Variants in GALNT18 observed in about 807,000 individuals in gnomAD.
The protein encoded by GALNT18 is polypeptide N-acetylgalactosaminyltransferase 18.
Under a neutral mutation model 69.5 loss-of-function variants are expected in GALNT18, and 44 were observed. The ratio of observed to expected loss-of-function variants is 0.63; its 90% CI spans 0.50 to 0.81. GALNT18 has a LOEUF of 0.81. GALNT18 is among the 40% of genes least tolerant of loss of function. The pLI, the probability that GALNT18 is intolerant of heterozygous loss-of-function variation, is 0.00. For synonymous variants in GALNT18, 364 were observed against 318.2 expected (o/e 1.14, Z -1.53); for missense variants, 715 against 810.0 (o/e 0.88, Z 1.42).
intron 9 of GALNT18, among the ~76,000 whole-genome samples, chr11:11,301,748 C>A (rs1017156509): frequency 6.6e-6 from 1 of 152,208 alleles, no homozygotes; most frequent in Non-Finnish European, 1.5e-5. Flanking sequence ...TCAACAAACA[C>A]CCTCTTTGCC....
At chr11:11,293,920 T>G (rs1849351816) in intron 9 of GALNT18, among the ~76,000 whole-genome samples, 1 of 144,752 alleles carries the variant, frequency 6.9e-6, no homozygotes, top group African/African-American at 2.7e-5. Context: ...GGATGGGAGA[T>G]GTATAACAAT....
intron 3 of GALNT18, among the ~76,000 whole-genome samples, chr11:11,388,200 C>T (rs906809005): frequency 2.0e-5 from 3 of 152,156 alleles, no homozygotes; most frequent in East Asian, 1.9e-4. Context: ...TTAAAGTCTA[C>T]TCTTTGGTGT....
At position 11,583,405 on chromosome 11, in the gene GALNT18, T is replaced by C. The variant is rs552873366; in HGVS notation, c.235+37954A>G. 3.9e-5 allele frequency among the ~76,000 whole-genome samples: 6 copies of C among 152,302 alleles called. No homozygotes were observed. In the East Asian group the frequency reaches 1.2e-3, roughly 29 times the overall value. The stretch of plus-strand genomic sequence containing the variant: ...AAGTACATAGGAGGAGCTCAATTCA[T>C]ACATTCTGAATGAATGAAGAAATGT... On this transcript the variant is annotated intron_variant, in intron 1 of 10. Coordinates refer to ENST00000227756, the MANE Select transcript of GALNT18 (RefSeq NM_198516.3). This position sits in a 1 kb window ranked among gnomAD's most constrained non-coding sequence, Gnocchi z 4.7.
At position 11,284,163 on chromosome 11, in the gene GALNT18, G is replaced by A. The variant is rs760607560; in HGVS notation, c.1677+8866C>T. Reference sequence around the variant, plus strand: ...TAGAGAACTGTGCGTAGACTGGGGCGTGTGGAAGCCACAGTCCATGAGTCT... The same window carrying A: ...TAGAGAACTGTGCGTAGACTGGGGCATGTGGAAGCCACAGTCCATGAGTCT... On this transcript the variant is annotated intron_variant, in intron 10 of 10. Coordinates refer to ENST00000227756, the MANE Select transcript of GALNT18 (RefSeq NM_198516.3). Among the ~76,000 whole-genome samples the A allele has an allele frequency of 3.9e-5, 6 of 152,316 alleles. No individual in the cohort carries two copies. The South Asian group carries it at 6.2e-4, about 16-fold the overall frequency.
intron 10 of GALNT18, among the ~76,000 whole-genome samples, chr11:11,282,345 A>C (rs757643643): frequency 2.0e-5 from 3 of 152,204 alleles, no homozygotes; most frequent in Non-Finnish European, 4.4e-5. Context: ...AATAACAACT[A>C]TCACTTATTT....
Position 11,555,325 on chromosome 11 carries a change from A to G in GALNT18, c.235+66034T>C, listed in dbSNP as rs958749798. On this transcript the variant is annotated intron_variant, in intron 1 of 10. Coordinates refer to ENST00000227756, the MANE Select transcript of GALNT18 (RefSeq NM_198516.3). The surrounding 1 kb of genome is among the most constrained non-coding windows in gnomAD (Gnocchi z 4.7). Reference sequence around the variant, plus strand: ...TAGCTAGAGAGCATTTTCCTGACACAGTGTAAACGTTTGCCAGAAACAGGC... The same window carrying G: ...TAGCTAGAGAGCATTTTCCTGACACGGTGTAAACGTTTGCCAGAAACAGGC... Among the ~76,000 whole-genome samples, 1 of 152,214 alleles carries G rather than the reference A, an allele frequency of 6.6e-6. No homozygotes were observed.
chr11:11,563,040 C>T lies in GALNT18; in HGVS notation c.235+58319G>A, dbSNP rs567088042. Among the ~76,000 whole-genome samples the T allele has an allele frequency of 2.0e-4, 30 of 152,268 alleles. No homozygotes were observed. Among genetic ancestry groups the T allele is most frequent in the African/African-American group, 7.0e-4 (29 of 41,552 alleles). ...GCCAACTTGGTCCTGACGTTTTGTGCTTCATGGCTTCCCTATATACTTCCA... is the reference window on the plus strand; with the variant it reads ...GCCAACTTGGTCCTGACGTTTTGTGTTTCATGGCTTCCCTATATACTTCCA... On this transcript the variant is annotated intron_variant, in intron 1 of 10. Transcript: ENST00000227756. This position sits in a 1 kb window ranked among gnomAD's most constrained non-coding sequence, Gnocchi z 4.6.
Position 11,605,375 on chromosome 11 carries a change from TC to T in GALNT18, c.235+15983del, listed in dbSNP as rs370662562. 2.9e-3 allele frequency among the ~76,000 whole-genome samples: 435 copies of T among 152,270 alleles called. 17 individuals carry two copies. In the South Asian group the frequency reaches 0.086, roughly 30 times the overall value. ...GTTGCCCTCTCTCAGCTCCCTCTCC[TC>T]ACTGCAGACCTTTCCCGACACCTGT... is the stretch of plus-strand genomic sequence containing the variant. On this transcript the variant is annotated intron_variant, in intron 1 of 10. Coordinates refer to ENST00000227756, the MANE Select transcript of GALNT18 (RefSeq NM_198516.3). The surrounding 1 kb of genome is among the most constrained non-coding windows in gnomAD (Gnocchi z 4.7).
In GALNT18 at chr11:11,566,351, T is replaced by C. The variant is rs769693416; in HGVS notation, c.235+55008A>G. Among the ~76,000 whole-genome samples the C allele has an allele frequency of 5.3e-5, 8 of 152,210 alleles. No individual in the cohort carries two copies. In the South Asian group the frequency reaches 6.2e-4, roughly 12 times the overall value. ...AAACTTTATTTATGAAAACAAGCAG[T>C]GAGCAGGATTTGGCCCAAGTAGCCA... On this transcript the variant is annotated intron_variant, in intron 1 of 10. Transcript: ENST00000227756.
chr11:11,459,015 C>T lies in GALNT18; in HGVS notation c.236-10079G>A, dbSNP rs1211045611. ...TTGAGCGAGAAGGGGGACTTCGGCACATCATAGCGGTACTCTTCTTATATC... is the reference window on the plus strand; with the variant it reads ...TTGAGCGAGAAGGGGGACTTCGGCATATCATAGCGGTACTCTTCTTATATC... On this transcript the variant is annotated intron_variant, in intron 1 of 10. Transcript: ENST00000227756. The surrounding 1 kb of genome is among the most constrained non-coding windows in gnomAD (Gnocchi z 5.0). 1.3e-5 allele frequency among the ~76,000 whole-genome samples: 2 copies of T among 152,186 alleles called. No individual in the cohort carries two copies. The highest frequency in any genetic ancestry group is 2.4e-5 in the African/African-American group (1 of 41,452).
intron 3 of GALNT18, among the ~76,000 whole-genome samples, chr11:11,392,295 A>G (rs1330822023): frequency 6.6e-6 from 1 of 152,226 alleles, no homozygotes; most frequent in Non-Finnish European, 1.5e-5. Flanking sequence ...AATACGCAGA[A>G]AAAAGCTGAT....
At position 11,461,211 on chromosome 11, in the gene GALNT18, C is replaced by T. The variant is rs1415205097; in HGVS notation, c.236-12275G>A. Among the ~76,000 whole-genome samples the T allele has an allele frequency of 6.6e-6, 1 of 152,190 alleles. No homozygotes were observed. Among genetic ancestry groups the T allele is most frequent in the East Asian group, 1.9e-4 (1 of 5,194 alleles). On this transcript the variant is annotated intron_variant, in intron 1 of 10. Coordinates refer to ENST00000227756, the MANE Select transcript of GALNT18 (RefSeq NM_198516.3). This position sits in a 1 kb window ranked among gnomAD's most constrained non-coding sequence, Gnocchi z 4.1. ...GGCTGGCACTGCTGGGTCTTTCCTC[C>T]CCTGCAAGGGGGACTTCTGGGCCTG...
At chr11:11,475,467 T>C (rs1482345212) in intron 1 of GALNT18, 1 of 152,236 alleles carries the variant, frequency 6.6e-6, no homozygotes, top group African/African-American at 2.4e-5. Context: ...GCTCCTGACA[T>C]CCTAGAAGTC....
intron 1 of GALNT18, among the ~76,000 whole-genome samples, chr11:11,458,576 T>C (rs111701291): frequency 2.6e-3 from 394 of 152,336 alleles, no homozygotes; most frequent in Non-Finnish European, 4.0e-3. Context: ...ATTAAAAAGC[T>C]TGATGCTTGG....
At chr11:11,411,612 C>A (rs534054145) in intron 3 of GALNT18, among the ~76,000 whole-genome samples, 1 of 152,354 alleles carries the variant, frequency 6.6e-6, no homozygotes, top group Admixed American at 6.5e-5. Flanking sequence ...AAATCTCTCA[C>A]CTGCTCAGCC....
chr11:11,273,060 AAGATT>A (rs367875586), intron 10 of GALNT18, among the ~76,000 whole-genome samples: 3 of 152,242 alleles, frequency 2.0e-5, no homozygotes, highest in African/African-American at 7.2e-5. Flanking sequence ...ACTTAAATCT[AAGATT>A]AGACTACAAA....
chr11:11,488,695 T>C (rs549677049), intron 1 of GALNT18, among the ~76,000 whole-genome samples: 161 of 152,216 alleles, frequency 1.1e-3, no homozygotes, highest in Non-Finnish European at 1.8e-3. Context: ...GCAAAGTACA[T>C]GGGGGAGCCA....
Position 11,283,473 on chromosome 11 carries a change from TCTGA to T in GALNT18, c.1677+9552_1677+9555del, listed in dbSNP as rs139436022. On this transcript the variant is annotated intron_variant, in intron 10 of 10. Transcript: ENST00000227756. ...AATGACAGGGCCAGCCATTGCAGAA[TCTGA>T]CTGACAGGCTAACCAGGTCACTCTG... Among the ~76,000 whole-genome samples, 1,122 of 152,296 alleles carry T rather than the reference TCTGA, an allele frequency of 7.4e-3. 16 individuals carry two copies. Among genetic ancestry groups the T allele is most frequent in the African/African-American group, 0.026 (1,064 of 41,540 alleles).
In GALNT18 at chr11:11,546,602, C is replaced by G. The variant is rs1226683244; in HGVS notation, c.235+74757G>C. On this transcript the variant is annotated intron_variant, in intron 1 of 10. Transcript: ENST00000227756. This position sits in a 1 kb window ranked among gnomAD's most constrained non-coding sequence, Gnocchi z 5.8. ...CAAAATCTTGACCGTGCCTTCGAAG[C>G]CTTTCCCAACCCAGATCCAGCCAAC... 6.6e-6 allele frequency among the ~76,000 whole-genome samples: 1 copy of G among 152,210 alleles called. No individual in the cohort carries two copies. Among genetic ancestry groups the G allele is most frequent in the Non-Finnish European group, 1.5e-5 (1 of 68,046 alleles).
Sources: allele counts gnomAD v4.1 joint callset (sites outside exome capture counted in the v4.1 genomes callset), GRCh38; gene constraint gnomAD v4.1.1; non-coding constraint Gnocchi (gnomAD v3.1); transcripts MANE v1.5; gene names NCBI Gene and HGNC (gene_info 2026-07-23, HGNC 2026-07-21).